Variants in ZBTB44 observed in about 807,000 individuals in gnomAD.
ZBTB44 encodes zinc finger and BTB domain-containing protein 44.
In ZBTB44, 15 loss-of-function variants were observed where a neutral mutation model predicts 54.0. That is an observed-to-expected ratio of 0.28 (90% CI 0.19 to 0.43). The LOEUF (loss-of-function observed/expected upper bound fraction) is 0.43, where lower values mean the gene tolerates loss of function less well. Ranked by LOEUF, ZBTB44 falls within the 20% of genes least tolerant of loss-of-function variation. The probability of loss-of-function intolerance (pLI) is 1.00; values close to 1 mark genes in which losing one functional copy is unlikely to be tolerated. For missense variants in ZBTB44, 487 were observed against 707.1 expected, an observed-to-expected ratio of 0.69 and a Z score of 3.53; for synonymous variants, 230 against 250.1, an observed-to-expected ratio of 0.92 and a Z score of 0.76.
chr11:130,297,417 C>T (rs1005449795), intron 1 of ZBTB44, among the ~76,000 whole-genome samples: 5 of 152,192 alleles, frequency 3.3e-5, no homozygotes, highest in East Asian at 1.9e-4. Context: ...CTGTGGCTTT[C>T]GCCAACTTAC....
chr11:130,313,727 A>G lies in ZBTB44; in HGVS notation c.-57+648T>C, dbSNP rs1194424687. The stretch of plus-strand genomic sequence containing the variant: ...TTCATTTTTGTAAGTTCCAAAAAAA[A>G]GCACACAATTACGGGGTTTTATTGT... On this transcript the variant is annotated intron_variant, in intron 1 of 7. Coordinates refer to ENST00000357899, the MANE Select transcript of ZBTB44 (RefSeq NM_001301098.2). Among the ~76,000 whole-genome samples, 3 of 152,340 alleles carry G rather than the reference A, an allele frequency of 2.0e-5. No individual in the cohort carries two copies. In the East Asian group the frequency reaches 5.8e-4, roughly 29 times the overall value.
In ZBTB44 at chr11:130,229,912, A is replaced by T. The variant is rs372955187; in HGVS notation, c.*1852T>A. On this transcript the variant is annotated 3_prime_UTR_variant, in exon 8 of 8. Coordinates refer to ENST00000357899, the MANE Select transcript of ZBTB44 (RefSeq NM_001301098.2). ...CCCAGTTAGTATTAATATTTAGAAA[A>T]TTTTTAATTCTCATTCACTTGGATG... 177 of 152,080 alleles carry T rather than the reference A, an allele frequency of 1.2e-3. 4 individuals are homozygous for T. In the East Asian group the frequency reaches 0.03, roughly 26 times the overall value. The allele number at this position is 152,080 out of a possible 1,614,324, so 9.4% of individuals were successfully genotyped here. A position where few individuals can be genotyped will look rare whatever the true frequency, so the allele number is the denominator to read the frequency against.
chr11:130,305,957 T>TA (rs1257442295), intron 1 of ZBTB44, among the ~76,000 whole-genome samples: 1 of 151,404 alleles, frequency 6.6e-6, no homozygotes, highest in Non-Finnish European at 1.5e-5. Context: ...AAAAAAAACA[T>TA]AGACAATTCT....
intron 1 of ZBTB44, among the ~76,000 whole-genome samples, chr11:130,290,190 A>T (rs1195398325): frequency 6.6e-6 from 1 of 152,200 alleles, no homozygotes; most frequent in Non-Finnish European, 1.5e-5. Flanking sequence ...GAGGTGGTGT[A>T]GCAACGTGAA....
intron 1 of ZBTB44, among the ~76,000 whole-genome samples, chr11:130,313,387 T>C (rs145926828): frequency 9.2e-5 from 14 of 152,262 alleles, no homozygotes; most frequent in African/African-American, 3.1e-4. Flanking sequence ...AATCCTAAAA[T>C]ACAAAACTAA....
At chr11:130,280,007 T>A (rs1018378960) in intron 1 of ZBTB44, among the ~76,000 whole-genome samples, 1 of 152,168 alleles carries the variant, frequency 6.6e-6, no homozygotes, top group African/African-American at 2.4e-5. Flanking sequence ...AGCTGAGTAC[T>A]TGGCAGAAAG....
intron 7 of ZBTB44, chr11:130,232,117 A>C (rs550826012): frequency 6.6e-6 from 1 of 152,336 alleles, no homozygotes; most frequent in East Asian, 1.9e-4. Flanking sequence ...AAGGAATTTA[A>C]TTTACTTTTC....
chr11:130,307,160 A>C (rs532459389), intron 1 of ZBTB44, among the ~76,000 whole-genome samples: 91 of 152,070 alleles, frequency 6.0e-4, no homozygotes, highest in Non-Finnish European at 8.8e-4. Flanking sequence ...TGTGGTGGCT[A>C]ACGCTTGTAA....
chr11:130,274,278 G>C (rs974195539), intron 1 of ZBTB44, among the ~76,000 whole-genome samples: 7 of 152,068 alleles, frequency 4.6e-5, no homozygotes, highest in African/African-American at 1.7e-4. Context: ...TTTTGGATTT[G>C]GGATGCTCAA....
At chr11:130,232,196 A>G (rs1953900772) in intron 7 of ZBTB44, 1 of 152,222 alleles carries the variant, frequency 6.6e-6, no homozygotes, top group Non-Finnish European at 1.5e-5. Flanking sequence ...ACAAATCACT[A>G]TAATTAAAAA....
intron 1 of ZBTB44, among the ~76,000 whole-genome samples, chr11:130,287,613 T>C (rs1204921659): frequency 6.6e-6 from 1 of 152,124 alleles, no homozygotes; most frequent in African/African-American, 2.4e-5. Context: ...TTAAATAGAA[T>C]GAATGACTCT....
rs772731116 is a variant in ZBTB44, at chr11:130,227,926, A to C, written c.*3838T>G. On this transcript the variant is annotated 3_prime_UTR_variant, in exon 8 of 8. Transcript: ENST00000357899. Reference sequence around the variant, plus strand: ...CCTGGAGATTAAATTTACTCTTAAAAATGGAAATACAGGAATTTTAAAGTA... The same window carrying C: ...CCTGGAGATTAAATTTACTCTTAAACATGGAAATACAGGAATTTTAAAGTA... 8.5e-5 allele frequency: 13 copies of C among 152,194 alleles called. No homozygotes were observed. Among genetic ancestry groups the C allele is most frequent in the Non-Finnish European group, 7.3e-5 (5 of 68,040 alleles). The allele number at this position is 152,194 out of a possible 1,614,324, so 9.4% of individuals were successfully genotyped here. A position where few individuals can be genotyped will look rare whatever the true frequency, so the allele number is the denominator to read the frequency against.
At position 130,226,903 on chromosome 11, in the gene ZBTB44, G is replaced by C. The variant is rs1171274851; in HGVS notation, c.*4861C>G. The C allele has an allele frequency of 6.6e-6, 1 of 151,662 alleles. No individual in the cohort carries two copies. The highest frequency in any genetic ancestry group is 1.5e-5 in the Non-Finnish European group (1 of 67,962). 9.4% of individuals were successfully genotyped at this position (151,662 alleles called of 1,614,324 possible). ...GATTAAACAATCAGGCTAGCAAAAAGGTACTCAATACATATTTTCCTTATA... is the reference window on the plus strand; with the variant it reads ...GATTAAACAATCAGGCTAGCAAAAACGTACTCAATACATATTTTCCTTATA... On this transcript the variant is annotated 3_prime_UTR_variant, in exon 8 of 8. Transcript: ENST00000357899.
chr11:130,258,165 G>GTA (rs1391725265), intron 2 of ZBTB44, among the ~76,000 whole-genome samples: 14 of 152,176 alleles, frequency 9.2e-5, no homozygotes, highest in African/African-American at 3.4e-4. Flanking sequence ...ACTGCCAACT[G>GTA]TAAGACATAT....
At chr11:130,275,852 TCTTGGCCTCGTGATCGGCCCAC>T (rs1322741436) in intron 1 of ZBTB44, among the ~76,000 whole-genome samples, 1 of 151,996 alleles carries the variant, frequency 6.6e-6, no homozygotes, top group East Asian at 2.0e-4. Flanking sequence ...GGTCTCGATC[TCTTGGCCTCGTGATCGGCCCAC>T]CTTGGCCTCC....
intron 1 of ZBTB44, among the ~76,000 whole-genome samples, chr11:130,276,241 A>AAAAAAAAAAAAG (rs1184875134): frequency 2.1e-5 from 3 of 143,592 alleles, no homozygotes; most frequent in African/African-American, 7.8e-5. Flanking sequence ...TCAAAAAAAA[A>AAAAAAAAAAAAG]AAAAAGAAAA....
In ZBTB44 at chr11:130,228,298, A is replaced by T. The variant is rs558995788; in HGVS notation, c.*3466T>A. ...GTCATCACTTTGTACAAGGAAGAAA[A>T]TGAATACAGTTTATGATCTTACTCC... On this transcript the variant is annotated 3_prime_UTR_variant, in exon 8 of 8. Coordinates refer to ENST00000357899, the MANE Select transcript of ZBTB44 (RefSeq NM_001301098.2). The T allele has an allele frequency of 2.6e-5, 4 of 152,338 alleles. No homozygotes were observed. The highest frequency in any genetic ancestry group is 9.6e-5 in the African/African-American group (4 of 41,578). The allele number at this position is 152,338 out of a possible 1,614,324, so 9.4% of individuals were successfully genotyped here.
chr11:130,294,538 C>CAAAAAAAAA (rs11322495), intron 1 of ZBTB44, among the ~76,000 whole-genome samples: 2 of 48,652 alleles, frequency 4.1e-5, no homozygotes, highest in African/African-American at 6.9e-5. Context: ...TCTATATGAC[C>CAAAAAAAAA]AAAAAAAAAA....
intron 2 of ZBTB44, among the ~76,000 whole-genome samples, chr11:130,258,282 G>A (rs1159513562): frequency 2.0e-5 from 3 of 152,070 alleles, no homozygotes; most frequent in Non-Finnish European, 4.4e-5. Flanking sequence ...AACCTCTCCT[G>A]TTCTTTCAAT....
Sources: gnomAD v4.1 joint callset for allele counts (sites outside exome capture counted in the v4.1 genomes callset) on GRCh38, gnomAD v4.1.1 for gene constraint, MANE v1.5 for transcripts, NCBI Gene and HGNC (gene_info 2026-07-23, HGNC 2026-07-21) for gene names.